FUT8: variants seen among roughly 807,000 people sequenced by gnomAD.
FUT8 encodes the protein alpha-(1,6)-fucosyltransferase.
Under a neutral mutation model 71.3 loss-of-function variants are expected in FUT8, and 29 were observed. The observed-to-expected ratio is 0.41, with a 90% confidence interval of 0.30 to 0.55. FUT8 has a LOEUF of 0.55. FUT8 is among the 20% of genes least tolerant of loss of function. The pLI is 0.34. For synonymous variants in FUT8, 254 were observed against 239.3 expected (o/e 1.06, Z -0.57); for missense variants, 544 against 702.1 (o/e 0.77, Z 2.55).
rs569644200 is a variant in FUT8 at position 65,502,550 on chromosome 14, C to G, written c.-228+46832C>G. Among the ~76,000 whole-genome samples, 3 of 152,284 alleles carry G rather than the reference C, an allele frequency of 2.0e-5. No individual in the cohort carries two copies. In the South Asian group the frequency reaches 6.2e-4, roughly 32 times the overall value. On this transcript the variant is annotated intron_variant, in intron 2 of 10. Transcript: ENST00000673929. ...CGGGTCCACTTATTCTGAGATAATT[C>G]TGTTACAGCTTTTTTTGGTAACTTA...
intron 2 of FUT8, among the ~76,000 whole-genome samples, chr14:65,492,698 T>A (rs2066499835): frequency 6.6e-6 from 1 of 152,136 alleles, no homozygotes; most frequent in Non-Finnish European, 1.5e-5. Flanking sequence ...TGTTGTAGAC[T>A]TTAGATTTCA....
At chr14:65,585,229 G>A (rs1887317264) in intron 3 of FUT8, among the ~76,000 whole-genome samples, 1 of 151,964 alleles carries the variant, frequency 6.6e-6, no homozygotes, top group Non-Finnish European at 1.5e-5. Context: ...GTTTCACTCT[G>A]CTGTCCAGGC....
In FUT8 at chr14:65,561,602, C is replaced by T. The variant is rs371895527; in HGVS notation, c.39C>T (p.Leu13=). ...CTGGTTCCTGGCGTTGGATTATGCT[C>T]ATTCTTTTTGCCTGGGGGACCTTGC... is the stretch of plus-strand genomic sequence containing the variant. The part of the protein sequence containing the change: ...PWTGSWRWIM[L]ILFAWGTLLF... The change falls in exon 3 of 11, where the codon CTC becomes CTT. Residue 13 remains leucine (L), a synonymous_variant. Transcript: ENST00000673929. 34 of 1,613,400 alleles carry T rather than the reference C, an allele frequency of 2.1e-5. No homozygotes were observed. Among genetic ancestry groups the T allele is most frequent in the Non-Finnish European group, 2.8e-5 (33 of 1,179,556 alleles).
At chr14:65,391,233 T>C in the FUT8 span, among the ~76,000 whole-genome samples, 1 of 152,230 alleles carries the variant, frequency 6.6e-6, no homozygotes, top group South Asian at 2.1e-4. Context: ...GTATGAGAGC[T>C]GGACAGTGAG....
Position 65,413,578 on chromosome 14 carries a change from C to T in FUT8, c.-326+364C>T, listed in dbSNP as rs569874034. Reference sequence around the variant, plus strand: ...GGGTGGGAGGTGTCCGTCGTTTCCCCTCCACACCTACCTTCCCTTCGTCAG... The same window carrying T: ...GGGTGGGAGGTGTCCGTCGTTTCCCTTCCACACCTACCTTCCCTTCGTCAG... On this transcript the variant is annotated intron_variant, in intron 1 of 10. Transcript: ENST00000673929. This position sits in a 1 kb window ranked among gnomAD's most constrained non-coding sequence, Gnocchi z 4.1. Among the ~76,000 whole-genome samples the T allele has an allele frequency of 6.6e-6, 1 of 152,314 alleles. No individual in the cohort carries two copies. Among genetic ancestry groups the T allele is most frequent in the South Asian group, 2.1e-4 (1 of 4,830 alleles).
intron 7 of FUT8, among the ~76,000 whole-genome samples, chr14:65,713,302 A>G (rs977897720): frequency 6.6e-6 from 1 of 152,060 alleles, no homozygotes; most frequent in Non-Finnish European, 1.5e-5. Context: ...TTGTTTATTC[A>G]TCTGGACACT....
At chr14:65,720,661 GA>G (rs1341105407) in intron 7 of FUT8, among the ~76,000 whole-genome samples, 1 of 152,120 alleles carries the variant, frequency 6.6e-6, no homozygotes, top group Non-Finnish European at 1.5e-5. Context: ...AATGACTCTC[GA>G]ACCCAGCACA....
chr14:65,723,262 T>C (rs984643932), intron 8 of FUT8, among the ~76,000 whole-genome samples: 3 of 151,532 alleles, frequency 2.0e-5, no homozygotes, highest in Admixed American at 2.0e-4. Flanking sequence ...GAGGCAGAGA[T>C]TGGAGTGAAC....
chr14:65,680,143 G>T (rs922606023), intron 7 of FUT8, among the ~76,000 whole-genome samples: 4 of 152,194 alleles, frequency 2.6e-5, no homozygotes, highest in Non-Finnish European at 4.4e-5. Context: ...TCTGCCATCT[G>T]CAAGCTGGAG....
chr14:65,439,954 G>GTATACGTATA lies in FUT8; in HGVS notation c.-325-15663_-325-15662insCGTATATATA, dbSNP rs1555360999. On this transcript the variant is annotated intron_variant, in intron 1 of 10. Coordinates refer to ENST00000673929, the MANE Select transcript of FUT8 (RefSeq NM_001371533.1). ...ATAAAGAAAATGTGTGTGTGTGTGT[G>GTATACGTATA]TATATATATATATATATATATATAT... is the stretch of plus-strand genomic sequence containing the variant. Among the ~76,000 whole-genome samples the GTATACGTATA allele has an allele frequency of 1.2e-3, 90 of 74,972 alleles. 2 individuals carry two copies. Among genetic ancestry groups the GTATACGTATA allele is most frequent in the Non-Finnish European group, 1.6e-3 (66 of 40,288 alleles). The allele number at this position is 74,972 out of a possible 152,430, so 49.2% of individuals were successfully genotyped here. A position where few individuals can be genotyped will look rare whatever the true frequency, so the allele number is the denominator to read the frequency against.
At chr14:65,645,244 C>T (rs146799333) in intron 6 of FUT8, among the ~76,000 whole-genome samples, 8 of 152,276 alleles carry the variant, frequency 5.3e-5, no homozygotes, top group Non-Finnish European at 8.8e-5. Context: ...AAAAGAACTC[C>T]TAACAAGTTA....
chr14:65,729,613 TC>T (rs1362631930), intron 9 of FUT8, among the ~76,000 whole-genome samples: 1 of 151,536 alleles, frequency 6.6e-6, no homozygotes, highest in African/African-American at 2.4e-5. Context: ...CCTCCTGGGC[TC>T]AATGATCCTC....
the FUT8 span, among the ~76,000 whole-genome samples, chr14:65,392,422 T>C: frequency 6.6e-6 from 1 of 152,230 alleles, no homozygotes; most frequent in Non-Finnish European, 1.5e-5. Flanking sequence ...CCGTGGCTCA[T>C]TATGCAAGTC....
intron 1 of FUT8, among the ~76,000 whole-genome samples, chr14:65,438,498 T>G (rs1483430643): frequency 6.6e-6 from 1 of 152,160 alleles, no homozygotes; most frequent in East Asian, 1.9e-4. Flanking sequence ...TTTTTCCAGC[T>G]GCCAACTTAG....
chr14:65,573,406 T>TAA (rs1886591789), intron 3 of FUT8, among the ~76,000 whole-genome samples: 3 of 151,892 alleles, frequency 2.0e-5, no homozygotes, highest in Admixed American at 6.6e-5. Flanking sequence ...TTTCAATATT[T>TAA]GGAAAATAAT....
At chr14:65,398,791 G>A in the FUT8 span, among the ~76,000 whole-genome samples, 3 of 152,042 alleles carry the variant, frequency 2.0e-5, no homozygotes, top group South Asian at 4.2e-4. Flanking sequence ...TGGCATCTAC[G>A]TGTAAAAATG....
At chr14:65,434,217 A>G (rs749454031) in intron 1 of FUT8, among the ~76,000 whole-genome samples, 1 of 152,248 alleles carries the variant, frequency 6.6e-6, no homozygotes, top group Non-Finnish European at 1.5e-5. Context: ...GAGATGGAGA[A>G]GTCCAGGAAC....
chr14:65,456,466 A>T (rs552034571), intron 2 of FUT8, among the ~76,000 whole-genome samples: 1 of 152,130 alleles, frequency 6.6e-6, no homozygotes, highest in African/African-American at 2.4e-5. Flanking sequence ...CATTTTATGG[A>T]TATACCATAA....
intron 2 of FUT8, among the ~76,000 whole-genome samples, chr14:65,530,563 A>G (rs982678477): frequency 2.0e-5 from 3 of 152,166 alleles, no homozygotes; most frequent in Non-Finnish European, 4.4e-5. Flanking sequence ...TCATTTTTAA[A>G]TGTTATTTAA....
Sources: gnomAD v4.1 joint callset for allele counts (sites outside exome capture counted in the v4.1 genomes callset) on GRCh38, gnomAD v4.1.1 for gene constraint, Gnocchi (gnomAD v3.1) non-coding constraint, MANE v1.5 for transcripts, NCBI Gene and HGNC (gene_info 2026-07-23, HGNC 2026-07-21) for gene names.